Variants in TMEM108 observed in about 807,000 individuals in gnomAD.
TMEM108 encodes cancer/testis antigen 124.
TMEM108 carries 12 observed loss-of-function variants against 35.1 expected under a neutral mutation model. The observed-to-expected ratio is 0.34, with a 90% confidence interval of 0.22 to 0.55. TMEM108 has a LOEUF of 0.55. TMEM108 is among the 20% of genes least tolerant of loss of function. The pLI, the probability that TMEM108 is intolerant of heterozygous loss-of-function variation, is 0.89. For synonymous variants in TMEM108, 287 were observed against 308.6 expected (o/e 0.93, Z 0.73); for missense variants, 680 against 753.3 (o/e 0.90, Z 1.14).
intron 3 of TMEM108, among the ~76,000 whole-genome samples, chr3:133,300,056 A>T (rs556582246): frequency 5.3e-5 from 8 of 152,280 alleles, no homozygotes; most frequent in Admixed American, 5.2e-4. Flanking sequence ...GCATAGTTAG[A>T]ATCGGTAGAC....
intron 2 of TMEM108, among the ~76,000 whole-genome samples, chr3:133,066,200 T>TA: frequency 6.6e-6 from 1 of 152,232 alleles, no homozygotes; most frequent in South Asian, 2.1e-4. Context: ...TAATTGGTGT[T>TA]ATGCTGGGAT....
At chr3:133,211,465 G>A (rs1945832980) in intron 2 of TMEM108, among the ~76,000 whole-genome samples, 1 of 152,168 alleles carries the variant, frequency 6.6e-6, no homozygotes, top group African/African-American at 2.4e-5. Flanking sequence ...GATAGAACAT[G>A]CTCCTTTAGT....
rs1472446868 is a variant in TMEM108, at chr3:133,390,318, C to G, written c.1589C>G (p.Ser530Cys). 1 of 1,614,154 alleles carries G rather than the reference C, an allele frequency of 6.2e-7. No homozygotes were observed. The highest frequency in any genetic ancestry group is 8.5e-7 in the Non-Finnish European group (1 of 1,180,026). ...HAVELPREIQ[S>C]LETSEDQLSE... is the part of the protein sequence containing the mutation. Reference sequence around the variant, plus strand: ...GTGGAGCTGCCCAGGGAGATCCAGTCCCTTGAAACCTCTGAGGTAATGAGC... The same window carrying G: ...GTGGAGCTGCCCAGGGAGATCCAGTGCCTTGAAACCTCTGAGGTAATGAGC... Residue 530 changes from serine to cysteine, a missense_variant, in exon 5 of 6, where the codon TCC (serine) becomes TGC (cysteine). By Grantham distance (112) the Ser-to-Cys change is moderately radical. Around this residue, in one of 3 missense-constraint regions of TMEM108, gnomAD observed 105 missense variants for 150.7 expected, o/e 0.70. Coordinates refer to ENST00000321871, the MANE Select transcript of TMEM108 (RefSeq NM_023943.4).
intron 3 of TMEM108, among the ~76,000 whole-genome samples, chr3:133,272,312 T>TGTGTGTGTGTG (rs1553755045): frequency 6.3e-5 from 9 of 141,812 alleles, no homozygotes; most frequent in East Asian, 2.2e-4. Flanking sequence ...TGTGTGTGTG[T>TGTGTGTGTGTG]TTCCTAAAGG....
chr3:133,322,955 C>T (rs1441986127), intron 3 of TMEM108, among the ~76,000 whole-genome samples: 1 of 152,002 alleles, frequency 6.6e-6, no homozygotes, highest in Non-Finnish European at 1.5e-5. Context: ...TGACAAAATC[C>T]AGCATCCTTT....
chr3:133,113,485 C>T (rs1216626544), intron 2 of TMEM108, among the ~76,000 whole-genome samples: 5 of 152,032 alleles, frequency 3.3e-5, no homozygotes, highest in Non-Finnish European at 5.9e-5. Flanking sequence ...AGCGATGAGC[C>T]ATATGAGAAT....
intron 2 of TMEM108, among the ~76,000 whole-genome samples, chr3:133,199,004 C>G (rs1945621203): frequency 6.6e-6 from 1 of 152,192 alleles, no homozygotes; most frequent in Admixed American, 6.5e-5. Context: ...TCTTTTTTCT[C>G]TACACTTGTC....
At chr3:133,052,043 A>G (rs1471831725) in intron 2 of TMEM108, among the ~76,000 whole-genome samples, 1 of 152,090 alleles carries the variant, frequency 6.6e-6, no homozygotes, top group Non-Finnish European at 1.5e-5. Flanking sequence ...ACTTGCTGGG[A>G]TTTTGATTGG....
intron 2 of TMEM108, among the ~76,000 whole-genome samples, chr3:133,200,990 G>A (rs187175155): frequency 1.4e-4 from 22 of 152,228 alleles, no homozygotes; most frequent in Non-Finnish European, 4.4e-5. Flanking sequence ...CACCCCTTAT[G>A]TTAATTTTGG....
chr3:133,215,159 C>T (rs1463883585), intron 2 of TMEM108, among the ~76,000 whole-genome samples: 1 of 151,984 alleles, frequency 6.6e-6, no homozygotes, highest in African/African-American at 2.4e-5. Flanking sequence ...TTAAAGACAC[C>T]TTATTTAGTA....
intron 3 of TMEM108, among the ~76,000 whole-genome samples, chr3:133,301,573 G>T (rs1220151702): frequency 6.6e-6 from 1 of 152,092 alleles, no homozygotes; most frequent in Non-Finnish European, 1.5e-5. Flanking sequence ...TACAAGCACC[G>T]GCTAGCTCAC....
chr3:133,211,982 A>G (rs112776561), intron 2 of TMEM108, among the ~76,000 whole-genome samples: 4 of 152,104 alleles, frequency 2.6e-5, no homozygotes, highest in African/African-American at 9.7e-5. Context: ...AAGGAGCTCT[A>G]TTACAGGTGG....
At chr3:133,394,413 ACCTCCT>A (rs972003339) in intron 5 of TMEM108, among the ~76,000 whole-genome samples, 1 of 148,872 alleles carries the variant, frequency 6.7e-6, no homozygotes, top group African/African-American at 2.5e-5. Context: ...TCTTTTTCCC[ACCTCCT>A]CCTCCTCCTT....
intron 3 of TMEM108, among the ~76,000 whole-genome samples, chr3:133,320,564 G>A (rs929145410): frequency 3.9e-5 from 6 of 152,190 alleles, no homozygotes; most frequent in African/African-American, 1.4e-4. Context: ...TCCTGAGGAA[G>A]AAGAGAAATC....
At chr3:133,081,668 C>T (rs1302434686) in intron 2 of TMEM108, among the ~76,000 whole-genome samples, 1 of 152,200 alleles carries the variant, frequency 6.6e-6, no homozygotes, top group Non-Finnish European at 1.5e-5. Flanking sequence ...CATTGTATCT[C>T]TCTGCCTTCA....
chr3:133,357,442 TAAG>T (rs1449698203), intron 3 of TMEM108, among the ~76,000 whole-genome samples: 2 of 152,098 alleles, frequency 1.3e-5, no homozygotes, highest in East Asian at 3.9e-4. Context: ...TACCAAAGAA[TAAG>T]AAGTCATTAT....
At chr3:133,140,178 A>G (rs9855237) in intron 2 of TMEM108, among the ~76,000 whole-genome samples, 33,275 of 152,198 alleles carry the variant, frequency 0.22, 4,543 homozygotes, top group Non-Finnish European at 0.31. Flanking sequence ...CGAGCTCCTC[A>G]TTAAGCCATT....
intron 2 of TMEM108, among the ~76,000 whole-genome samples, chr3:133,176,331 A>G (rs1945227630): frequency 6.6e-6 from 1 of 152,340 alleles, no homozygotes; most frequent in South Asian, 2.1e-4. Flanking sequence ...CCTAATAGAC[A>G]TCTACAGAAC....
At chr3:133,140,978 A>C (rs1944633189) in intron 2 of TMEM108, among the ~76,000 whole-genome samples, 1 of 152,210 alleles carries the variant, frequency 6.6e-6, no homozygotes, top group African/African-American at 2.4e-5. Context: ...TGCATGCCAC[A>C]GTAGACTAGG....
Sources: allele counts gnomAD v4.1 joint callset (sites outside exome capture counted in the v4.1 genomes callset), GRCh38; gene constraint gnomAD v4.1.1; regional missense constraint gnomAD v4.1.1; transcripts MANE v1.5; gene names NCBI Gene and HGNC (gene_info 2026-07-23, HGNC 2026-07-21).